The following KIAA1958 variants were observed in gnomAD, a reference collection of about 807,000 sequenced individuals.
KIAA1958 encodes uncharacterized protein KIAA1958.
A neutral mutation model predicts 47.2 loss-of-function variants in KIAA1958; 14 were observed. The ratio of observed to expected loss-of-function variants is 0.30; its 90% CI spans 0.20 to 0.46. The LOEUF is 0.46. Ranked by LOEUF, KIAA1958 falls within the 20% of genes least tolerant of loss-of-function variation. The pLI is 1.00. For synonymous variants in KIAA1958, 354 were observed against 353.3 expected (o/e 1.00, Z -0.02); for missense variants, 803 against 909.2 (o/e 0.88, Z 1.50).
chr9:112,542,351 T>G (rs1356229499), intron 1 of KIAA1958, among the ~76,000 whole-genome samples: 1 of 152,122 alleles, frequency 6.6e-6, no homozygotes, highest in Admixed American at 6.6e-5. Flanking sequence ...TTAAACTGTA[T>G]TAAAAAGTTT....
At chr9:112,626,162 C>G (rs1836605852) in intron 2 of KIAA1958, among the ~76,000 whole-genome samples, 1 of 152,064 alleles carries the variant, frequency 6.6e-6, no homozygotes. Context: ...AAAATGGTAA[C>G]TAAGGAAAGA....
intron 1 of KIAA1958, among the ~76,000 whole-genome samples, chr9:112,543,947 A>T (rs777543617): frequency 6.6e-6 from 1 of 152,282 alleles, no homozygotes; most frequent in South Asian, 2.1e-4. Flanking sequence ...TTTAATGAAT[A>T]CATATATGAA....
At chr9:112,534,347 C>T (rs1326762210) in intron 1 of KIAA1958, among the ~76,000 whole-genome samples, 1 of 152,156 alleles carries the variant, frequency 6.6e-6, no homozygotes, top group Non-Finnish European at 1.5e-5. Flanking sequence ...GCCATCAGCA[C>T]TGATTATTAT....
chr9:112,667,005 CAAT>C lies in KIAA1958; in HGVS notation c.*6939_*6941del, dbSNP rs1249077096. On this transcript the variant is annotated 3_prime_UTR_variant, in exon 4 of 4. Transcript: ENST00000337530. ...AAAGCCCTTTAGGTGAAGGTAGAAACAATAAATACCTGAGTAGCAGAACACGCA... is the reference window on the plus strand; with the variant it reads ...AAAGCCCTTTAGGTGAAGGTAGAAACAAATACCTGAGTAGCAGAACACGCA... The C allele has an allele frequency of 2.6e-5, 4 of 152,136 alleles. No individual in the cohort carries two copies. The highest frequency in any genetic ancestry group is 6.5e-5 in the Admixed American group (1 of 15,278). 9.4% of individuals were successfully genotyped at this position (152,136 alleles called of 1,614,324 possible).
At chr9:112,514,510 C>A (rs1459496530) in intron 1 of KIAA1958, among the ~76,000 whole-genome samples, 1 of 5,622 alleles carries the variant, frequency 1.8e-4, no homozygotes, top group East Asian at 2.9e-3. Flanking sequence ...CGCCTCTGCC[C>A]GGCCGCCCCT....
At chr9:112,612,947 G>A (rs1836351255) in intron 2 of KIAA1958, among the ~76,000 whole-genome samples, 1 of 152,134 alleles carries the variant, frequency 6.6e-6, no homozygotes, top group African/African-American at 2.4e-5. Context: ...AAAGATTAAG[G>A]CAACTGTATA....
intron 1 of KIAA1958, among the ~76,000 whole-genome samples, chr9:112,568,936 T>TAAAAAAAAAAAAAAAAAAAAAAA (rs57898820): frequency 2.5e-4 from 9 of 36,456 alleles, no homozygotes; most frequent in South Asian, 2.2e-3. Flanking sequence ...ATAGGAAAAC[T>TAAAAAAAAAAAAAAAAAAAAAAA]AAAAAAAAAA....
intron 1 of KIAA1958, among the ~76,000 whole-genome samples, chr9:112,508,230 A>G (rs1336427499): frequency 1.3e-5 from 2 of 152,200 alleles, no homozygotes; most frequent in Admixed American, 1.3e-4. Flanking sequence ...AGAGATTAAC[A>G]TGCTATTTTT....
chr9:112,571,373 A>T (rs965618828), intron 1 of KIAA1958, among the ~76,000 whole-genome samples: 3 of 152,178 alleles, frequency 2.0e-5, no homozygotes, highest in African/African-American at 7.2e-5. Flanking sequence ...TGGGGATGTT[A>T]GACTTTAGGG....
chr9:112,613,034 C>A (rs1470411583), intron 2 of KIAA1958, among the ~76,000 whole-genome samples: 2 of 152,016 alleles, frequency 1.3e-5, no homozygotes, highest in Non-Finnish European at 2.9e-5. Context: ...TATGTTCCTC[C>A]CCCCCATTTT....
intron 3 of KIAA1958, among the ~76,000 whole-genome samples, chr9:112,647,107 G>A (rs1836988412): frequency 6.6e-6 from 1 of 152,014 alleles, no homozygotes; most frequent in African/African-American, 2.4e-5. Context: ...TGGCACCATG[G>A]TACACTACAT....
rs534541568 is a variant in KIAA1958 at position 112,489,153 on chromosome 9, C to G, written c.-25+2035C>G. Reference sequence around the variant, plus strand: ...AAGAGAAGAGGTATTGAAATTTGATCAGGCTTTATCGTGAATCCAGGAATG... The same window carrying G: ...AAGAGAAGAGGTATTGAAATTTGATGAGGCTTTATCGTGAATCCAGGAATG... On this transcript the variant is annotated intron_variant, in intron 1 of 3. Coordinates refer to ENST00000337530, the MANE Select transcript of KIAA1958 (RefSeq NM_133465.4). Among the ~76,000 whole-genome samples the G allele has an allele frequency of 3.3e-5, 5 of 152,338 alleles. No homozygotes were observed. In the South Asian group the frequency reaches 8.3e-4, roughly 25 times the overall value.
Position 112,574,107 on chromosome 9 carries a change from T to A in KIAA1958, c.27T>A (p.Ser9=). 1 of 1,602,758 alleles carries A rather than the reference T, an allele frequency of 6.2e-7. No homozygotes were observed. Among genetic ancestry groups the A allele is most frequent in the East Asian group, 2.2e-5 (1 of 44,694 alleles). The part of the protein sequence containing the change: MEDCLHTS[S]ENLSKLVSWA... ...TGGAGGATTGTCTTCATACCTCATC[T>A]GAGAATCTGTCCAAATTGGTCAGCT... Residue 9 remains serine (S), a synonymous_variant, in exon 2 of 4, where the codon TCT becomes TCA. Coordinates refer to ENST00000337530, the MANE Select transcript of KIAA1958 (RefSeq NM_133465.4).
intron 1 of KIAA1958, among the ~76,000 whole-genome samples, chr9:112,508,097 T>C (rs1177229318): frequency 6.6e-6 from 1 of 152,248 alleles, no homozygotes; most frequent in Non-Finnish European, 1.5e-5. Context: ...AAACAATCTC[T>C]GTTTTGTGTA....
chr9:112,545,833 T>TTTG lies in KIAA1958; in HGVS notation c.-24-28222_-24-28221insGTT, dbSNP rs1835021359. Among the ~76,000 whole-genome samples, 4 of 149,640 alleles carry TTTG rather than the reference T, an allele frequency of 2.7e-5. 1 individual carries two copies. The highest frequency in any genetic ancestry group is 2.0e-4 in the Admixed American group (3 of 15,072). On this transcript the variant is annotated intron_variant, in intron 1 of 3. Coordinates refer to ENST00000337530, the MANE Select transcript of KIAA1958 (RefSeq NM_133465.4). ...GATACACAGGTTTCTTTGTTTTTTT[T>TTTG]TTTTTTTTTTTTTAGTGAATTTCAA... is the stretch of plus-strand genomic sequence containing the variant.
At chr9:112,652,976 G>A (rs1162366012) in intron 3 of KIAA1958, among the ~76,000 whole-genome samples, 2 of 152,166 alleles carry the variant, frequency 1.3e-5, no homozygotes, top group African/African-American at 4.8e-5. Flanking sequence ...ATGTGTTAAA[G>A]ACCCAGTCAT....
At chr9:112,558,182 G>T (rs753438346) in intron 1 of KIAA1958, among the ~76,000 whole-genome samples, 15 of 151,668 alleles carry the variant, frequency 9.9e-5, no homozygotes, top group Non-Finnish European at 1.9e-4. Flanking sequence ...CCGAGATCGC[G>T]CCACTGCACT....
In KIAA1958 at chr9:112,659,937, G is replaced by A. The variant is rs370047868; in HGVS notation, c.2019G>A (p.Met673Ile). ...GCGTGTGGTATGAGGAGCAGAGGAT[G>A]GGGCTGCGCTCTCTTCGGGGAATTG... ...MGSVWYEEQRMGLRSLRGIVP... is the reference protein window; with the variant it reads ...MGSVWYEEQRIGLRSLRGIVP... Residue 673 changes from methionine to isoleucine, a missense_variant, in exon 4 of 4, where the codon ATG becomes ATA. Transcript: ENST00000337530. 1 of 1,614,256 alleles carries A rather than the reference G, an allele frequency of 6.2e-7. No individual in the cohort carries two copies. Among genetic ancestry groups the A allele is most frequent in the South Asian group, 1.1e-5 (1 of 91,088 alleles).
At chr9:112,626,874 G>T (rs1300096111) in intron 2 of KIAA1958, among the ~76,000 whole-genome samples, 1 of 150,768 alleles carries the variant, frequency 6.6e-6, no homozygotes, top group African/African-American at 2.4e-5. Context: ...TATGCATTGT[G>T]TAATATTCAG....
Sources: gnomAD v4.1 joint callset for allele counts (sites outside exome capture counted in the v4.1 genomes callset) on GRCh38, gnomAD v4.1.1 for gene constraint, MANE v1.5 for transcripts, NCBI Gene and HGNC (gene_info 2026-07-23, HGNC 2026-07-21) for gene names.